Variants in ST3GAL2 observed in about 807,000 individuals in gnomAD.
ST3GAL2 encodes CMP-N-acetylneuraminate-beta-galactosamide-alpha-2,3-sialyltransferase 2.
Under a neutral mutation model 37.5 loss-of-function variants are expected in ST3GAL2, and 16 were observed. The ratio of observed to expected loss-of-function variants is 0.43; its 90% CI spans 0.29 to 0.65. ST3GAL2 has a LOEUF of 0.65. ST3GAL2 is among the 30% of genes least tolerant of loss of function. ST3GAL2 has a pLI of 0.17. For missense variants in ST3GAL2, 383 were observed against 487.8 expected, an observed-to-expected ratio of 0.79 and a Z score of 2.02; for synonymous variants, 238 against 202.9, an observed-to-expected ratio of 1.17 and a Z score of -1.47.
chr16:70,426,580 C>T lies in ST3GAL2; in HGVS notation c.-1004+12369G>A, dbSNP rs893518844. Among the ~76,000 whole-genome samples the T allele has an allele frequency of 1.4e-4, 21 of 150,820 alleles. 1 individual carries two copies. The highest frequency in any genetic ancestry group is 1.1e-3 in the Admixed American group (17 of 15,152). ...AGACTGGAGTGCAATGGCGCAATCTCGGCTCACCACAACCTCTGCCTCCCG... is the reference window on the plus strand; with the variant it reads ...AGACTGGAGTGCAATGGCGCAATCTTGGCTCACCACAACCTCTGCCTCCCG... On this transcript the variant is annotated intron_variant, in intron 1 of 6. Coordinates refer to ENST00000342907, the MANE Select transcript of ST3GAL2 (RefSeq NM_006927.4).
In ST3GAL2 at chr16:70,381,877, A is replaced by G; in HGVS notation, c.880-15T>C. ...TACACGTTCACCTGCGGGGAAGCGC[A>G]GCGGAGCGTCACCCCAGGCGGGGAC... On this transcript the variant is annotated splice_polypyrimidine_tract_variant and intron_variant, in intron 6 of 6. Transcript: ENST00000342907. 6.2e-7 allele frequency: 1 copy of G among 1,612,160 alleles called. No homozygotes were observed. Among genetic ancestry groups the G allele is most frequent in the East Asian group, 2.2e-5 (1 of 44,824 alleles).
Position 70,381,095 on chromosome 16 carries a change from G to A in ST3GAL2, c.*594C>T, listed in dbSNP as rs565726671. ...CAGAGGGCGCCACTCCCGGCTTCCT[G>A]GAGACGCAGGAAGCCCTGGGGGCGC... On this transcript the variant is annotated 3_prime_UTR_variant, in exon 7 of 7. Transcript: ENST00000342907. The A allele has an allele frequency of 2.0e-5, 3 of 152,668 alleles. No homozygotes were observed. The highest frequency in any genetic ancestry group is 3.9e-4 in the East Asian group (2 of 5,176). The allele number at this position is 152,668 out of a possible 1,614,324, so 9.5% of individuals were successfully genotyped here.
intron 6 of ST3GAL2, 143 bp from the exon 7 acceptor site, chr16:70,382,005 T>A: frequency 1.1e-6 from 1 of 920,220 alleles, no homozygotes; most frequent in Non-Finnish European, 1.6e-6. Flanking sequence ...GGACATGGAC[T>A]CACATGGGGA....
intron 1 of ST3GAL2, among the ~76,000 whole-genome samples, chr16:70,401,865 C>T (rs2047557666): frequency 3.3e-5 from 5 of 151,616 alleles, no homozygotes; most frequent in Admixed American, 3.3e-4. Context: ...GTTGTGGTGG[C>T]CACCTATAAT....
At chr16:70,422,909 G>C (rs2047724968) in intron 1 of ST3GAL2, 2 of 152,234 alleles carry the variant, frequency 1.3e-5, no homozygotes, top group Admixed American at 6.5e-5. Context: ...ACAGAGAACT[G>C]AGTCCAAAAG....
chr16:70,417,466 C>T (rs2047683971), intron 1 of ST3GAL2, among the ~76,000 whole-genome samples: 2 of 152,132 alleles, frequency 1.3e-5, no homozygotes, highest in African/African-American at 2.4e-5. Context: ...CTATGGGACA[C>T]GGCCGTAACC....
Position 70,381,773 on chromosome 16 carries a change from A to C in ST3GAL2, c.969T>G (p.Thr323=). 2 of 1,614,058 alleles carry C rather than the reference A, an allele frequency of 1.2e-6. No homozygotes were observed. Among genetic ancestry groups the C allele is most frequent in the Non-Finnish European group, 1.7e-6 (2 of 1,179,956 alleles). The change falls in exon 7 of 7, where the codon ACT becomes ACG. Residue 323 remains threonine (T), a synonymous_variant. Transcript: ENST00000342907. The part of the protein sequence containing the change: ...NNRYAGEFRK[T]GVHDADFEAH... ...CCTCGAAGTCCGCGTCGTGCACGCC[A>C]GTCTTCCGGAACTCGCCCGCGTACC...
At position 70,377,056 on chromosome 16, in the gene ST3GAL2, A is replaced by C. The variant is rs2047353008; in HGVS notation, c.*4633T>G. ...GTGCCTGGCCATAAAATGTTTTTAA[A>C]AAATTTTTTAGCTAGGCTCTAGCTG... On this transcript the variant is annotated 3_prime_UTR_variant, in exon 7 of 7. Coordinates refer to ENST00000342907, the MANE Select transcript of ST3GAL2 (RefSeq NM_006927.4). 6.6e-6 allele frequency: 1 copy of C among 151,896 alleles called. No individual in the cohort carries two copies. Among genetic ancestry groups the C allele is most frequent in the African/African-American group, 2.4e-5 (1 of 41,350 alleles). 9.4% of individuals were successfully genotyped at this position (151,896 alleles called of 1,614,324 possible). A position where few individuals can be genotyped will look rare whatever the true frequency, so the allele number is the denominator to read the frequency against.
intron 1 of ST3GAL2, among the ~76,000 whole-genome samples, chr16:70,409,652 CTT>C (rs1401802825): frequency 6.6e-6 from 1 of 151,886 alleles, no homozygotes; most frequent in Non-Finnish European, 1.5e-5. Flanking sequence ...CTTTTTCCCC[CTT>C]TTTGAGACAG....
At position 70,379,407 on chromosome 16, in the gene ST3GAL2, C is replaced by T. The variant is rs537868167; in HGVS notation, c.*2282G>A. ...GGAGGGTATCTGGGAGTCATCTCGCCCCTCCCATATCCCCCAACGTTCTCA... is the reference window on the plus strand; with the variant it reads ...GGAGGGTATCTGGGAGTCATCTCGCTCCTCCCATATCCCCCAACGTTCTCA... On this transcript the variant is annotated 3_prime_UTR_variant, in exon 7 of 7. Transcript: ENST00000342907. 3.3e-5 allele frequency: 5 copies of T among 152,254 alleles called. No individual in the cohort carries two copies. Among genetic ancestry groups the T allele is most frequent in the Admixed American group, 6.5e-5 (1 of 15,280 alleles). The allele number at this position is 152,254 out of a possible 1,614,324, so 9.4% of individuals were successfully genotyped here. A position where few individuals can be genotyped will look rare whatever the true frequency, so the allele number is the denominator to read the frequency against.
chr16:70,382,264 C>G (rs569275784), intron 6 of ST3GAL2, among the ~76,000 whole-genome samples: 2 of 152,064 alleles, frequency 1.3e-5, no homozygotes, highest in South Asian at 4.2e-4. Context: ...TACATACACT[C>G]TCCATTCTAT....
At chr16:70,405,385 C>A (rs1384718515) in intron 1 of ST3GAL2, among the ~76,000 whole-genome samples, 2 of 150,928 alleles carry the variant, frequency 1.3e-5, no homozygotes, top group African/African-American at 4.9e-5. Flanking sequence ...ACTAAAAACA[C>A]AAAAAATTAG....
At chr16:70,406,659 G>C (rs1224568098) in intron 1 of ST3GAL2, among the ~76,000 whole-genome samples, 1 of 151,070 alleles carries the variant, frequency 6.6e-6, no homozygotes, top group African/African-American at 2.4e-5. Flanking sequence ...GCATGCGCCT[G>C]TAATCCCGCT....
chr16:70,409,427 T>A (rs1319567449), intron 1 of ST3GAL2, among the ~76,000 whole-genome samples: 1 of 151,006 alleles, frequency 6.6e-6, no homozygotes, highest in Admixed American at 6.6e-5. Context: ...CACCGCAACC[T>A]CCACTTCCCA....
chr16:70,402,306 AAAG>A (rs1229514915), intron 1 of ST3GAL2, among the ~76,000 whole-genome samples: 2 of 151,584 alleles, frequency 1.3e-5, no homozygotes, highest in Non-Finnish European at 1.5e-5. Context: ...AAAAAAAAAA[AAAG>A]AATGGATAAA....
rs183805222 is a variant in ST3GAL2, at chr16:70,376,585, A to T, written c.*5104T>A. On this transcript the variant is annotated 3_prime_UTR_variant, in exon 7 of 7. Coordinates refer to ENST00000342907, the MANE Select transcript of ST3GAL2 (RefSeq NM_006927.4). ...CTGCAGGAGCTGTGATTTTTTTCAC[A>T]AAAGTAGTGAGAAGGGGCATTGATT... is the stretch of plus-strand genomic sequence containing the variant. The T allele has an allele frequency of 6.6e-6, 1 of 152,156 alleles. No homozygotes were observed. The highest frequency in any genetic ancestry group is 1.5e-5 in the Non-Finnish European group (1 of 68,034). 9.4% of individuals were successfully genotyped at this position (152,156 alleles called of 1,614,324 possible).
At chr16:70,406,198 C>T (rs1396871218) in intron 1 of ST3GAL2, among the ~76,000 whole-genome samples, 1 of 152,192 alleles carries the variant, frequency 6.6e-6, no homozygotes, top group Non-Finnish European at 1.5e-5. Flanking sequence ...AATCCCAGCA[C>T]TCTGGCAGGC....
At chr16:70,397,043 CT>C (rs35885469) in intron 2 of ST3GAL2, among the ~76,000 whole-genome samples, 13 of 130,262 alleles carry the variant, frequency 1.0e-4, no homozygotes, top group Non-Finnish European at 1.6e-4. Flanking sequence ...TCTTTTCTTT[CT>C]TTTTTTTTTT....
At chr16:70,426,740 C>T (rs987495623) in intron 1 of ST3GAL2, among the ~76,000 whole-genome samples, 1 of 152,074 alleles carries the variant, frequency 6.6e-6, no homozygotes, top group African/African-American at 2.4e-5. Flanking sequence ...GAACTCCCAA[C>T]CTCAGGTGAT....
Sources: gnomAD v4.1 joint callset for allele counts (sites outside exome capture counted in the v4.1 genomes callset) on GRCh38, gnomAD v4.1.1 for gene constraint, MANE v1.5 for transcripts, NCBI Gene and HGNC (gene_info 2026-07-23, HGNC 2026-07-21) for gene names.